PAM: variants seen among roughly 807,000 people sequenced by gnomAD.
The protein encoded by PAM is peptidylglycine alpha-amidating monooxygenase, also known as peptidyl-glycine alpha-amidating monooxygenase.
Under a neutral mutation model 122.1 loss-of-function variants are expected in PAM, and 72 were observed. The observed-to-expected ratio is 0.59, with a 90% CI of 0.49 to 0.72. PAM has a LOEUF of 0.72. Among genes scored for constraint, PAM ranks in the 30% least tolerant of loss-of-function variants. The probability of loss-of-function intolerance (pLI) is 0.00; values close to 1 mark genes in which losing one functional copy is unlikely to be tolerated. For synonymous variants in PAM, 389 were observed against 404.4 expected, an observed-to-expected ratio of 0.96 and a Z score of 0.46; for missense variants, 1,106 against 1,183.7, an observed-to-expected ratio of 0.93 and a Z score of 0.96.
rs559752748 is a variant in PAM at position 102,971,534 on chromosome 5, A to G, written c.1163-2582A>G. Among the ~76,000 whole-genome samples the G allele has an allele frequency of 1.9e-4, 29 of 152,302 alleles. No homozygotes were observed. The South Asian group carries it at 6.0e-3, about 32-fold the overall frequency. On this transcript the variant is annotated intron_variant, in intron 14 of 25. Transcript: ENST00000438793. ...TGAATTGTCAAGAAAGGCTTTTTTG[A>G]TGTGACACCTAAGATCTGAAAGTTG...
At chr5:103,024,688 T>C (rs1286288654) in intron 23 of PAM, among the ~76,000 whole-genome samples, 2 of 152,174 alleles carry the variant, frequency 1.3e-5, no homozygotes, top group Non-Finnish European at 2.9e-5. Context: ...TACAGTTTTA[T>C]AGATGAAGTT....
intron 7 of PAM, among the ~76,000 whole-genome samples, chr5:102,929,280 A>T (rs889276241): frequency 1.3e-5 from 2 of 152,222 alleles, no homozygotes; most frequent in African/African-American, 2.4e-5. Context: ...TGCTTTCAGC[A>T]GCTTCTGTAT....
chr5:102,897,836 A>G (rs1411665427), intron 3 of PAM, among the ~76,000 whole-genome samples: 3 of 151,716 alleles, frequency 2.0e-5, no homozygotes, highest in Non-Finnish European at 4.4e-5. Context: ...TGGTTTCCCC[A>G]AACAAAAATT....
At chr5:102,930,172 T>C (rs745467531) in intron 7 of PAM, among the ~76,000 whole-genome samples, 1 of 152,226 alleles carries the variant, frequency 6.6e-6, no homozygotes, top group Non-Finnish European at 1.5e-5. Flanking sequence ...TTAAATGCCA[T>C]ATCAACCATA....
At chr5:102,938,007 G>T (rs939637374) in intron 7 of PAM, among the ~76,000 whole-genome samples, 3 of 152,010 alleles carry the variant, frequency 2.0e-5, no homozygotes, top group Non-Finnish European at 4.4e-5. Flanking sequence ...AAATCAGGTT[G>T]CTTGATAATC....
chr5:102,778,465 A>C (rs570444701), intron 1 of PAM, among the ~76,000 whole-genome samples: 1 of 152,186 alleles, frequency 6.6e-6, no homozygotes, highest in Non-Finnish European at 1.5e-5. Flanking sequence ...CAAAAATCAT[A>C]TTAAGGATTC....
chr5:102,896,159 C>T (rs1269913819), intron 3 of PAM, among the ~76,000 whole-genome samples: 1 of 151,664 alleles, frequency 6.6e-6, no homozygotes, highest in Non-Finnish European at 1.5e-5. Context: ...TGTGAAAGCT[C>T]TAAGACAGCT....
intron 1 of PAM, 167 bp from the exon 2 acceptor site, chr5:102,865,656 A>C (rs1394965032): frequency 2.6e-5 from 4 of 151,218 alleles, no homozygotes; most frequent in African/African-American, 4.9e-5. Context: ...GGTTCCTGAA[A>C]TCTTGGGGGC....
At chr5:102,813,843 G>A (rs1275125070) in intron 1 of PAM, among the ~76,000 whole-genome samples, 2 of 152,162 alleles carry the variant, frequency 1.3e-5, no homozygotes, top group Non-Finnish European at 2.9e-5. Context: ...GAGAAGAAAG[G>A]TTAAGCAGCA....
chr5:102,811,979 TG>T (rs1768062426), intron 1 of PAM, among the ~76,000 whole-genome samples: 1 of 152,214 alleles, frequency 6.6e-6, no homozygotes, highest in African/African-American at 2.4e-5. Context: ...AAAACTGATT[TG>T]GGACTGCAAA....
intron 1 of PAM, among the ~76,000 whole-genome samples, chr5:102,853,355 G>T (rs1445330573): frequency 6.6e-6 from 1 of 152,136 alleles, no homozygotes; most frequent in African/African-American, 2.4e-5. Flanking sequence ...GTTAGGAAGA[G>T]TATTTTAATT....
intron 3 of PAM, among the ~76,000 whole-genome samples, chr5:102,876,305 C>T (rs964475908): frequency 6.6e-6 from 1 of 152,106 alleles, no homozygotes; most frequent in African/African-American, 2.4e-5. Context: ...TATAATATCC[C>T]TCCTAACTGA....
chr5:102,820,838 G>T (rs1472733113), intron 1 of PAM, among the ~76,000 whole-genome samples: 2 of 152,110 alleles, frequency 1.3e-5, no homozygotes, highest in Admixed American at 1.3e-4. Context: ...TTAGAACAAA[G>T]AATAAAGGAA....
rs548487762 is a variant in PAM, at chr5:102,805,180, C to T, written c.-374+49832C>T. On this transcript the variant is annotated intron_variant, in intron 1 of 25. Transcript: ENST00000438793. ...CCGCCTCCTGGGTTCAAGCAGTTCTCCTGCCTCAACCTCCTGAGTAGCTGG... is the reference window on the plus strand; with the variant it reads ...CCGCCTCCTGGGTTCAAGCAGTTCTTCTGCCTCAACCTCCTGAGTAGCTGG... Among the ~76,000 whole-genome samples, 3 of 150,634 alleles carry T rather than the reference C, an allele frequency of 2.0e-5. No individual in the cohort carries two copies. The South Asian group carries it at 6.3e-4, about 31-fold the overall frequency.
intron 23 of PAM, among the ~76,000 whole-genome samples, chr5:103,021,877 C>A (rs1488507279): frequency 6.6e-6 from 1 of 151,786 alleles, no homozygotes; most frequent in Non-Finnish European, 1.5e-5. Context: ...ATTTTTAATC[C>A]CCAAATTTGA....
rs761130902 is a variant in PAM, at chr5:103,007,550, G to A, written c.2108G>A (p.Arg703Gln). The change falls in exon 20 of 26, where the codon CGG (arginine) becomes CAG (glutamine). Residue 703 changes from arginine (R) to glutamine (Q), a missense_variant. By Grantham distance (43) the Arg-to-Gln change is conservative (BLOSUM62 1). Around this residue, in one of 3 missense-constraint regions of PAM, gnomAD observed 333 missense variants for 335.6 expected, o/e 0.99. Coordinates refer to ENST00000438793, the MANE Select transcript of PAM (RefSeq NM_001177306.2). ...PLLGQLCVAD[R>Q]ENGRIQCFKT... ...TTGGGCCAATTATGTGTGGCAGACC[G>A]GGAAAATGGTCGGATCCAGTGTTTT... is the stretch of plus-strand genomic sequence containing the variant. 36 of 1,613,784 alleles carry A rather than the reference G, an allele frequency of 2.2e-5. No homozygotes were observed. Among genetic ancestry groups the A allele is most frequent in the East Asian group, 6.7e-5 (3 of 44,884 alleles).
chr5:102,964,587 T>C (rs867542701), intron 14 of PAM, among the ~76,000 whole-genome samples: 1 of 151,922 alleles, frequency 6.6e-6, no homozygotes, highest in East Asian at 1.9e-4. Context: ...TTATTTTGAC[T>C]GATTTTTTAA....
intron 16 of PAM, among the ~76,000 whole-genome samples, chr5:102,999,278 T>C (rs73179830): frequency 3.3e-5 from 5 of 152,188 alleles, no homozygotes; most frequent in African/African-American, 9.7e-5. Context: ...ATCCTTTGAC[T>C]GCATGTCTCA....
intron 1 of PAM, among the ~76,000 whole-genome samples, chr5:102,864,150 A>G (rs1784872515): frequency 6.7e-6 from 1 of 148,356 alleles, no homozygotes; most frequent in African/African-American, 2.5e-5. Flanking sequence ...ATATTAAAAT[A>G]TAATCCCTTC....
Sources: gnomAD v4.1 joint callset for allele counts (sites outside exome capture counted in the v4.1 genomes callset) on GRCh38, gnomAD v4.1.1 for gene constraint, gnomAD v4.1.1 regional missense constraint, MANE v1.5 for transcripts, NCBI Gene and HGNC (gene_info 2026-07-23, HGNC 2026-07-21) for gene names.